The following HMCN2 variants were observed in gnomAD, a reference collection of about 807,000 sequenced individuals.
HMCN2 encodes hemicentin-2.
HMCN2 carries 325 observed loss-of-function variants against 377.5 expected under a neutral mutation model. That is an observed-to-expected ratio of 0.86 (90% CI 0.79 to 0.94). The LOEUF (loss-of-function observed/expected upper bound fraction) is 0.94, where lower values mean the gene tolerates loss of function less well. HMCN2 is among the 40% of genes least tolerant of loss of function. The pLI, the probability that HMCN2 is intolerant of heterozygous loss-of-function variation, is 0.00. For synonymous variants in HMCN2, 2,007 were observed against 2,046.8 expected, an observed-to-expected ratio of 0.98 and a Z score of 0.53; for missense variants, 4,543 against 4,725.3, an observed-to-expected ratio of 0.96 and a Z score of 1.13.
At chr9:130,403,120 G>T in intron 78 of HMCN2, 74 bp from the exon 79 acceptor site, 1 of 1,224,162 alleles carries the variant, frequency 8.2e-7, no homozygotes, top group Non-Finnish European at 1.1e-6. Context: ...TCTCTCTGAT[G>T]CTCCGAGGCC....
At chr9:130,323,210 A>C in intron 19 of HMCN2, among the ~76,000 whole-genome samples, 1 of 152,254 alleles carries the variant, frequency 6.6e-6, no homozygotes, top group Admixed American at 6.5e-5. Context: ...CTATTCAGCA[A>C]ATATTTATGG....
rs1441056469 is a variant in HMCN2 at position 130,296,456 on chromosome 9, G to A, written c.892-218G>A. ...GCTGAGGGGCAACACAGCCTCAAGA[G>A]GGCTGCTCAGGTTTGGGTTGTAAGC... On this transcript the variant is annotated intron_variant, in intron 6 of 97. Coordinates refer to ENST00000683500, the MANE Select transcript of HMCN2 (RefSeq NM_001291815.2). Among the ~76,000 whole-genome samples the A allele has an allele frequency of 2.0e-5, 3 of 152,350 alleles. No individual in the cohort carries two copies. In the East Asian group the frequency reaches 5.8e-4, roughly 29 times the overall value.
rs1411718268 is a variant in HMCN2, at chr9:130,343,642, AG to A, written c.3829+1208del. On this transcript the variant is annotated intron_variant, in intron 25 of 97. Transcript: ENST00000683500. ...CTTTTGGGAGGTGGGAGACAGTGGA[AG>A]GTGGGACCCACCCAGCCCCTGACTG... is the stretch of plus-strand genomic sequence containing the variant. Among the ~76,000 whole-genome samples, 714 of 152,270 alleles carry A rather than the reference AG, an allele frequency of 4.7e-3. 23 individuals are homozygous for A. The highest frequency in any genetic ancestry group is 0.039 in the Admixed American group (603 of 15,296).
At chr9:130,286,068 A>C in intron 3 of HMCN2, 120 bp from the exon 4 acceptor site, 1 of 403,560 alleles carries the variant, frequency 2.5e-6, no homozygotes, top group South Asian at 1.9e-5. Context: ...CATTCTATAC[A>C]TGTGACAGAC....
chr9:130,364,242 C>T (rs1840567257), intron 40 of HMCN2, among the ~76,000 whole-genome samples: 1 of 152,240 alleles, frequency 6.6e-6, no homozygotes, highest in Non-Finnish European at 1.5e-5. Flanking sequence ...GTGGCATCCC[C>T]AGGGCCTCGC....
At chr9:130,404,631 A>ATG (rs138458577) in intron 80 of HMCN2, among the ~76,000 whole-genome samples, 84 of 151,996 alleles carry the variant, frequency 5.5e-4, no homozygotes, top group African/African-American at 1.5e-3. Context: ...ATGTGCATGC[A>ATG]TGTGTGTGTG....
At chr9:130,310,743 C>T (rs1348283366) in intron 15 of HMCN2, among the ~76,000 whole-genome samples, 1 of 152,120 alleles carries the variant, frequency 6.6e-6, no homozygotes, top group Non-Finnish European at 1.5e-5. Flanking sequence ...GCTTGGAGGC[C>T]CACCGCAGAC....
In HMCN2 at chr9:130,385,682, A is replaced by G. The variant is rs1357314314; in HGVS notation, c.9229A>G (p.Lys3077Glu). The G allele has an allele frequency of 1.7e-5, 22 of 1,303,984 alleles. No homozygotes were observed. The highest frequency in any genetic ancestry group is 2.1e-5 in the Non-Finnish European group (21 of 988,902). 80.8% of individuals were successfully genotyped at this position (1,303,984 alleles called of 1,614,324 possible). The change falls in exon 60 of 98, where the codon AAG (lysine) becomes GAG (glutamate). Residue 3077 changes from lysine (K) to glutamate (E), a missense_variant. Lys to Glu is a moderately conservative substitution (Grantham distance 56). Coordinates refer to ENST00000683500, the MANE Select transcript of HMCN2 (RefSeq NM_001291815.2). Reference sequence around the variant, plus strand: ...CCCTGAGCCAACTGTGACCTGGTACAAGGATGGGCAGCCCCTGGTCCTGGC... The same window carrying G: ...CCCTGAGCCAACTGTGACCTGGTACGAGGATGGGCAGCCCCTGGTCCTGGC... The part of the protein sequence containing the change: ...ALPEPTVTWY[K>E]DGQPLVLAQR...
At chr9:130,319,939 G>C (rs1323244311) in intron 16 of HMCN2, among the ~76,000 whole-genome samples, 1 of 152,102 alleles carries the variant, frequency 6.6e-6, no homozygotes, top group Non-Finnish European at 1.5e-5. Context: ...CACTTTATGG[G>C]GCTGTTGTGT....
At chr9:130,343,078 CCCCA>C (rs1158047346) in intron 25 of HMCN2, among the ~76,000 whole-genome samples, 1 of 152,194 alleles carries the variant, frequency 6.6e-6, no homozygotes, top group Non-Finnish European at 1.5e-5. Context: ...CTCAGTGGGA[CCCCA>C]CGCGTGCACA....
intron 24 of HMCN2, among the ~76,000 whole-genome samples, chr9:130,341,757 G>A (rs960124150): frequency 2.0e-5 from 3 of 152,108 alleles, no homozygotes; most frequent in Non-Finnish European, 4.4e-5. Context: ...CTCTGACCCC[G>A]GTTTTCTCAC....
In HMCN2 at chr9:130,362,936, G is replaced by A. The variant is rs1381322560; in HGVS notation, c.6178G>A (p.Val2060Met). The change falls in exon 40 of 98, where the codon GTG becomes ATG. Residue 2060 changes from valine (V) to methionine (M), a missense_variant. This residue lies in a region of HMCN2 where 1,032 missense variants were observed against 1,285.1 expected (regional missense o/e 0.80). Coordinates refer to ENST00000683500, the MANE Select transcript of HMCN2 (RefSeq NM_001291815.2). ...RASDSGRYSC[V>M]AVSAVGEDRQ... ...CTCCGACTCTGGGAGGTACTCCTGC[G>A]TGGCTGTGAGCGCGGTGGGCGAGGA... 7 of 985,856 alleles carry A rather than the reference G, an allele frequency of 7.1e-6. No individual in the cohort carries two copies. The highest frequency in any genetic ancestry group is 1.2e-4 in the Admixed American group (2 of 16,274). The allele number at this position is 985,856 out of a possible 1,614,324, so 61.1% of individuals were successfully genotyped here. A position where few individuals can be genotyped will look rare whatever the true frequency, so the allele number is the denominator to read the frequency against.
chr9:130,355,190 G>A (rs1027306379), intron 32 of HMCN2, 146 bp downstream of exon 32: 36 of 658,822 alleles, frequency 5.5e-5, no homozygotes, highest in Non-Finnish European at 7.0e-5. Context: ...CACAGATGAG[G>A]ACGCTGAGGC....
In HMCN2 at chr9:130,425,766, T is replaced by C. The variant is rs1564884131; in HGVS notation, c.13721T>C (p.Leu4574Pro). Residue 4574 changes from leucine to proline, a missense_variant, in exon 90 of 98, where the codon CTC becomes CCC. Leu to Pro is a moderately conservative substitution (Grantham distance 98). Around this residue, in one of 5 missense-constraint regions of HMCN2, gnomAD observed 1,155 missense variants for 1,157.7 expected, o/e 1.00. Transcript: ENST00000683500. ...GSTQRFFQGGLPSFLRCNHSI... is the reference protein window; with the variant it reads ...GSTQRFFQGGPPSFLRCNHSI... ...ACACAGCGCTTCTTCCAGGGCGGCC[T>C]CCCCTCGTTCCTACGCTGCAACCAC... The C allele has an allele frequency of 1.9e-6, 3 of 1,548,544 alleles. No homozygotes were observed. The Admixed American group carries it at 5.9e-5, about 30-fold the overall frequency.
At chr9:130,358,632 C>G in intron 36 of HMCN2, 146 bp downstream of exon 36, 1 of 711,748 alleles carries the variant, frequency 1.4e-6, no homozygotes, top group Non-Finnish European at 2.1e-6. Context: ...GTAGAAAGCC[C>G]TGAAATGAAA....
intron 4 of HMCN2, among the ~76,000 whole-genome samples, chr9:130,289,776 A>G (rs1293160697): frequency 1.3e-5 from 2 of 152,140 alleles, no homozygotes; most frequent in Non-Finnish European, 2.9e-5. Flanking sequence ...GCGAGTGCCC[A>G]GGGTGCCCAG....
At chr9:130,346,350 A>G (rs931620175) in intron 25 of HMCN2, among the ~76,000 whole-genome samples, 9 of 151,508 alleles carry the variant, frequency 5.9e-5, no homozygotes, top group Non-Finnish European at 1.2e-4. Context: ...TGAAAGCTCC[A>G]CTCCAGCCCA....
At chr9:130,307,419 T>C (rs1564770118) in intron 13 of HMCN2, 34 bp from the exon 14 acceptor site, 1 of 470,268 alleles carries the variant, frequency 2.1e-6, no homozygotes, top group Non-Finnish European at 4.4e-6. Flanking sequence ...CCTTTGAAGG[T>C]TGGTCCCAAA....
chr9:130,427,653 G>T (rs1372537112), intron 92 of HMCN2, 34 bp downstream of exon 92: 1 of 1,539,330 alleles, frequency 6.5e-7, no homozygotes, highest in East Asian at 2.4e-5. Context: ...GAGGAGACGC[G>T]CTCCTCAGAC....
Sources: gnomAD v4.1 joint callset for allele counts (sites outside exome capture counted in the v4.1 genomes callset) on GRCh38, gnomAD v4.1.1 for gene constraint, gnomAD v4.1.1 regional missense constraint, MANE v1.5 for transcripts, NCBI Gene and HGNC (gene_info 2026-07-23, HGNC 2026-07-21) for gene names.